MPV17: variants seen among roughly 807,000 people sequenced by gnomAD.
The protein encoded by MPV17 is mitochondrial inner membrane protein MPV17, also known as MPV17, mitochondrial inner membrane protein.
In MPV17, 31 loss-of-function variants were observed where a neutral mutation model predicts 28.6. The ratio of observed to expected loss-of-function variants is 1.08; its 90% confidence interval spans 0.81 to 1.46. The LOEUF is 1.46. Ranked by LOEUF, MPV17 falls within the 40% of genes most tolerant of loss-of-function variation. MPV17 has a pLI of 0.00. For synonymous variants in MPV17, 87 were observed against 85.3 expected (o/e 1.02, Z -0.11); for missense variants, 198 against 216.2 (o/e 0.92, Z 0.53).
chr2:27,320,098 G>A (rs1487212797), intron 2 of MPV17, among the ~76,000 whole-genome samples: 3 of 151,338 alleles, frequency 2.0e-5, no homozygotes, highest in Admixed American at 6.6e-5. Context: ...TTAGCTGGGC[G>A]TGGTGGCGCA....
chr2:27,316,261 G>A, intron 2 of MPV17: 1 of 1,521,390 alleles, frequency 6.6e-7, no homozygotes, highest in Non-Finnish European at 8.9e-7. Flanking sequence ...GCTAGAGGCA[G>A]AGCTGGAATG....
At position 27,322,188 on chromosome 2, in the gene MPV17, T is replaced by G. The variant is rs1489393780; in HGVS notation, c.70+260A>C. ...GCCTCCTGGGGCAATGCCTTTATCCTTCAGGGCTGACTGTTCAGCTTTTTG... is the reference window on the plus strand; with the variant it reads ...GCCTCCTGGGGCAATGCCTTTATCCGTCAGGGCTGACTGTTCAGCTTTTTG... On this transcript the variant is annotated intron_variant, in intron 2 of 7. Transcript: ENST00000380044. The G allele has an allele frequency of 5.3e-6, 3 of 570,030 alleles. No individual in the cohort carries two copies. In the East Asian group the frequency reaches 8.8e-5, roughly 17 times the overall value. The allele number at this position is 570,030 out of a possible 1,614,324, so 35.3% of individuals were successfully genotyped here.
Position 27,309,973 on chromosome 2 carries a change from A to G in MPV17, c.470T>C (p.Val157Ala). The change falls in exon 8 of 8, where the codon GTT (valine) becomes GCT (alanine). Residue 157 changes from valine (V) to alanine (A), a missense_variant. By Grantham distance (64) the Val-to-Ala change is moderately conservative. Transcript: ENST00000380044. ...YLVPLHYRLAVVQCVAVIWNS... is the reference protein window; with the variant it reads ...YLVPLHYRLAAVQCVAVIWNS... ...CCAGATAACAGCAACACATTGGACA[A>G]CGGCCAACCTAAGGAACAGGAATAA... is the stretch of plus-strand genomic sequence containing the variant. 2 of 1,613,798 alleles carry G rather than the reference A, an allele frequency of 1.2e-6. No homozygotes were observed. The highest frequency in any genetic ancestry group is 1.1e-5 in the South Asian group (1 of 91,048).
intron 2 of MPV17, chr2:27,315,841 T>C (rs1299927546): frequency 2.4e-6 from 3 of 1,263,788 alleles, no homozygotes; most frequent in Non-Finnish European, 3.0e-6. Context: ...GGATTATAGG[T>C]GTGAGCCACG....
chr2:27,319,355 T>C (rs1469185517), intron 2 of MPV17, among the ~76,000 whole-genome samples: 2 of 150,592 alleles, frequency 1.3e-5, no homozygotes, highest in African/African-American at 2.4e-5. Flanking sequence ...ACCCCATCTC[T>C]ACCAAAAAAC....
In MPV17 at chr2:27,317,421, G is replaced by A. The variant is rs1243063307; in HGVS notation, c.71-4312C>T. 2.6e-5 allele frequency among the ~76,000 whole-genome samples: 4 copies of A among 152,156 alleles called. No individual in the cohort carries two copies. Among genetic ancestry groups the A allele is most frequent in the Non-Finnish European group, 4.4e-5 (3 of 68,026 alleles). The stretch of plus-strand genomic sequence containing the variant: ...AACGGGTAGTTTTGCAGCTTGTTAC[G>A]TATCTAAGCTCAGATCAGCTGGGGT... On this transcript the variant is annotated intron_variant, in intron 2 of 7. Transcript: ENST00000380044. The surrounding 1 kb of genome is among the most constrained non-coding windows in gnomAD (Gnocchi z 4.0).
rs1372236825 is a variant in MPV17, at chr2:27,317,498, G to T, written c.71-4389C>A. Among the ~76,000 whole-genome samples the T allele has an allele frequency of 6.6e-6, 1 of 152,202 alleles. No individual in the cohort carries two copies. Among genetic ancestry groups the T allele is most frequent in the Admixed American group, 6.5e-5 (1 of 15,280 alleles). ...AGTCTCAAGTGCAAGGCAGTATGGTGGGCAGTGCCCTAGGTTATAACGCCA... is the reference window on the plus strand; with the variant it reads ...AGTCTCAAGTGCAAGGCAGTATGGTTGGCAGTGCCCTAGGTTATAACGCCA... On this transcript the variant is annotated intron_variant, in intron 2 of 7. Transcript: ENST00000380044. The surrounding 1 kb of genome is among the most constrained non-coding windows in gnomAD (Gnocchi z 4.0).
intron 2 of MPV17, among the ~76,000 whole-genome samples, chr2:27,319,159 G>A (rs552845587): frequency 5.3e-4 from 81 of 151,904 alleles, no homozygotes; most frequent in African/African-American, 1.9e-3. Flanking sequence ...TCCTTAGAGT[G>A]GCTCTCCCTC....
chr2:27,318,272 T>C (rs1011329981), intron 2 of MPV17, among the ~76,000 whole-genome samples: 1 of 152,038 alleles, frequency 6.6e-6, no homozygotes, highest in African/African-American at 2.4e-5. Context: ...TTCACCTTGT[T>C]GGTCAGCTGG....
intron 2 of MPV17, among the ~76,000 whole-genome samples, chr2:27,321,170 C>A (rs1389882783): frequency 6.6e-6 from 1 of 152,248 alleles, no homozygotes; most frequent in Admixed American, 6.5e-5. Context: ...AAGGGGGAAT[C>A]TTCCATCTGG....
Position 27,311,890 on chromosome 2 carries a change from G to A in MPV17, c.461+9C>T, listed in dbSNP as rs2148214622. On this transcript the variant is annotated intron_variant, in intron 7 of 7. Transcript: ENST00000380044. ...CTTCCTTGATGGGTGGGGTAGGGGT[G>A]CAACATACCTGTAATGAAGGGGGAC... is the stretch of plus-strand genomic sequence containing the variant. 2 of 1,613,396 alleles carry A rather than the reference G, an allele frequency of 1.2e-6. No homozygotes were observed. The highest frequency in any genetic ancestry group is 1.7e-6 in the Non-Finnish European group (2 of 1,179,718).
intron 2 of MPV17, among the ~76,000 whole-genome samples, chr2:27,318,379 A>G (rs1433861717): frequency 3.4e-5 from 5 of 148,660 alleles, no homozygotes; most frequent in African/African-American, 1.2e-4. Context: ...TTTTTTTCAG[A>G]TGGAGTCTCG....
rs1044227802 is a variant in MPV17, at chr2:27,315,962, G to T, written c.71-2853C>A. 6.1e-6 allele frequency: 9 copies of T among 1,481,828 alleles called. No individual in the cohort carries two copies. The Admixed American group carries it at 1.7e-4, about 28-fold the overall frequency. 91.8% of individuals were successfully genotyped at this position (1,481,828 alleles called of 1,614,324 possible). A position where few individuals can be genotyped will look rare whatever the true frequency, so the allele number is the denominator to read the frequency against. On this transcript the variant is annotated intron_variant, in intron 2 of 7. Transcript: ENST00000380044. ...CCTTCTCTCAAGGAGGACCAAGGAG[G>T]CCAGGGTATTCCTGGCATGGGCTGA...
At chr2:27,318,655 G>A (rs962657198) in intron 2 of MPV17, among the ~76,000 whole-genome samples, 2 of 152,170 alleles carry the variant, frequency 1.3e-5, no homozygotes, top group Non-Finnish European at 2.9e-5. Flanking sequence ...CCTGGGGTAA[G>A]TCTTTGGAAT....
Position 27,313,030 on chromosome 2 carries a change from C to T in MPV17, c.150G>A (p.Arg50=). The change falls in exon 3 of 8, where the codon CGG becomes CGA. Residue 50 remains arginine (R), a synonymous_variant. Coordinates refer to ENST00000380044, the MANE Select transcript of MPV17 (RefSeq NM_002437.5). The stretch of plus-strand genomic sequence containing the variant: ...AGCCCAGGGACACCATGGTCAGAGT[C>T]CGGCCTCTCTGGTGTTCCTGCAGAC... ...RRGLQEHQRG[R]TLTMVSLGCG... 2 of 1,614,218 alleles carry T rather than the reference C, an allele frequency of 1.2e-6. No homozygotes were observed. Among genetic ancestry groups the T allele is most frequent in the South Asian group, 1.1e-5 (1 of 91,090 alleles).
In MPV17 at chr2:27,321,873, TG is replaced by T. The variant is rs1456789243; in HGVS notation, c.70+574del. 1.9e-5 allele frequency: 3 copies of T among 154,522 alleles called. 1 individual carries two copies. The highest frequency in any genetic ancestry group is 1.4e-5 in the Non-Finnish European group (1 of 69,378). 9.6% of individuals were successfully genotyped at this position (154,522 alleles called of 1,614,324 possible). On this transcript the variant is annotated intron_variant, in intron 2 of 7. Transcript: ENST00000380044. ...GATATAAACAAAACTCAGGAAATTT[TG>T]GGTGAATTACGGAGAGGCACTCAAG... is the stretch of plus-strand genomic sequence containing the variant.
chr2:27,315,913 A>C (rs1422658342), intron 2 of MPV17: 2 of 1,435,328 alleles, frequency 1.4e-6, no homozygotes, highest in Non-Finnish European at 1.8e-6. Context: ...CTTGGTAAGG[A>C]GTGCAGTTGG....
In MPV17 at chr2:27,317,072, A is replaced by G. The variant is rs777737025; in HGVS notation, c.71-3963T>C. 8 of 1,546,194 alleles carry G rather than the reference A, an allele frequency of 5.2e-6. No homozygotes were observed. Among genetic ancestry groups the G allele is most frequent in the South Asian group, 2.4e-5 (2 of 83,606 alleles). On this transcript the variant is annotated intron_variant, in intron 2 of 7. Transcript: ENST00000380044. The surrounding 1 kb of genome is among the most constrained non-coding windows in gnomAD (Gnocchi z 4.0). ...CCTACTTCTCCTATTTTGTTCCTCT[A>G]CTTACTTTTGTGGCTTTTGAGTTTC... is the stretch of plus-strand genomic sequence containing the variant.
chr2:27,322,383 G>A, intron 2 of MPV17, 65 bp downstream of exon 2: 2 of 1,364,540 alleles, frequency 1.5e-6, no homozygotes, highest in South Asian at 1.2e-5. Context: ...TGGTGCAGTG[G>A]GGCAAGCCTC....
Sources: allele counts gnomAD v4.1 joint callset (sites outside exome capture counted in the v4.1 genomes callset), GRCh38; gene constraint gnomAD v4.1.1; non-coding constraint Gnocchi (gnomAD v3.1); transcripts MANE v1.5; gene names NCBI Gene and HGNC (gene_info 2026-07-23, HGNC 2026-07-21).